The following ECPAS variants were observed in gnomAD, a reference collection of about 807,000 sequenced individuals.
ECPAS encodes Ecm29 proteasome adaptor and scaffold, also known as proteasome adapter and scaffold protein ECM29.
Under a neutral mutation model 255.1 loss-of-function variants are expected in ECPAS, and 70 were observed. The ratio of observed to expected loss-of-function variants is 0.27; its 90% CI spans 0.23 to 0.33. The LOEUF (loss-of-function observed/expected upper bound fraction) is 0.33, where lower values mean the gene tolerates loss of function less well. Among genes scored for constraint, ECPAS ranks in the 10% least tolerant of loss-of-function variants. The pLI, the probability that ECPAS is intolerant of heterozygous loss-of-function variation, is 1.00. For missense variants in ECPAS, 1,817 were observed against 2,206.4 expected (o/e 0.82, Z 3.54); for synonymous variants, 784 against 775.0 (o/e 1.01, Z -0.19).
chr9:111,416,161 C>A, intron 18 of ECPAS, 111 bp downstream of exon 18: 3 of 674,674 alleles, frequency 4.4e-6, no homozygotes, highest in South Asian at 2.1e-5. Flanking sequence ...ACAATGACAC[C>A]ACAATATGGG....
At position 111,371,337 on chromosome 9, in the gene ECPAS, C is replaced by T. The variant is rs116543679; in HGVS notation, c.4737+284G>A. Among the ~76,000 whole-genome samples, 537 of 152,230 alleles carry T rather than the reference C, an allele frequency of 3.5e-3. 3 individuals carry two copies. Among genetic ancestry groups the T allele is most frequent in the African/African-American group, 0.012 (515 of 41,528 alleles). The stretch of plus-strand genomic sequence containing the variant: ...GATCTGTTCATGAGGTCAACAGGTA[C>T]AAAATGCTGACAAGTTGGTTTAAGA... On this transcript the variant is annotated intron_variant, in intron 43 of 49. Transcript: ENST00000684092.
chr9:111,462,146 C>G (rs942586306), intron 2 of ECPAS, among the ~76,000 whole-genome samples: 13 of 152,096 alleles, frequency 8.5e-5, no homozygotes, highest in Admixed American at 2.6e-4. Flanking sequence ...AATAAAGTTT[C>G]TAGAGAAATA....
At chr9:111,381,165 T>C (rs2098140106) in intron 35 of ECPAS, among the ~76,000 whole-genome samples, 1 of 152,244 alleles carries the variant, frequency 6.6e-6, no homozygotes, top group South Asian at 2.1e-4. Flanking sequence ...TAATCATTTC[T>C]AGCTTTCTAT....
intron 24 of ECPAS, among the ~76,000 whole-genome samples, chr9:111,399,017 C>A (rs1217191170): frequency 6.6e-6 from 1 of 151,504 alleles, no homozygotes; most frequent in Non-Finnish European, 1.5e-5. Flanking sequence ...TTTAATTGTA[C>A]ATTTTAAAAT....
chr9:111,442,242 T>A, intron 5 of ECPAS, 64 bp downstream of exon 5: 1 of 1,038,378 alleles, frequency 9.6e-7, no homozygotes, highest in Non-Finnish European at 1.4e-6. Context: ...ATATGTGAAT[T>A]AATATTTGAA....
intron 3 of ECPAS, among the ~76,000 whole-genome samples, chr9:111,445,534 G>A (rs959577354): frequency 6.6e-6 from 1 of 152,062 alleles, no homozygotes; most frequent in Non-Finnish European, 1.5e-5. Flanking sequence ...TCCAAGCAGA[G>A]TATCAGTTAT....
chr9:111,395,118 A>T (rs1045776584), intron 25 of ECPAS, among the ~76,000 whole-genome samples: 11 of 152,128 alleles, frequency 7.2e-5, no homozygotes, highest in Admixed American at 2.6e-4. Context: ...GTCCCTTCAT[A>T]ACTCCTCATT....
At chr9:111,384,485 G>A (rs975711643) in intron 34 of ECPAS, 37 bp downstream of exon 34, 1 of 1,581,220 alleles carries the variant, frequency 6.3e-7, no homozygotes, top group Non-Finnish European at 8.7e-7. Context: ...CCAGAACCCT[G>A]CTCCACTCCA....
Position 111,442,684 on chromosome 9 carries a change from A to G in ECPAS, c.271-260T>C, listed in dbSNP as rs189101625. On this transcript the variant is annotated intron_variant, in intron 4 of 49. Coordinates refer to ENST00000684092, the MANE Select transcript of ECPAS (RefSeq NM_001364929.1). The stretch of plus-strand genomic sequence containing the variant: ...ACTAATCTAAAGCATTCATATATGC[A>G]ATTTCTTATCATGAAGAAGAAAGAA... Among the ~76,000 whole-genome samples the G allele has an allele frequency of 1.4e-3, 216 of 152,326 alleles. 3 individuals are homozygous for G. Among genetic ancestry groups the G allele is most frequent in the African/African-American group, 5.0e-3 (207 of 41,566 alleles).
At chr9:111,396,379 T>C (rs1052306109) in intron 25 of ECPAS, among the ~76,000 whole-genome samples, 5 of 152,182 alleles carry the variant, frequency 3.3e-5, no homozygotes, top group Admixed American at 6.5e-5. Flanking sequence ...GGCTTCATTA[T>C]GTAATAAAGG....
intron 25 of ECPAS, among the ~76,000 whole-genome samples, chr9:111,396,606 A>G (rs900167542): frequency 2.6e-5 from 4 of 152,204 alleles, no homozygotes; most frequent in Admixed American, 6.5e-5. Flanking sequence ...GATAGAGTGC[A>G]GTGGCATAAT....
At chr9:111,390,180 T>A in intron 29 of ECPAS, 79 bp from the exon 30 acceptor site, 1 of 748,200 alleles carries the variant, frequency 1.3e-6, no homozygotes, top group Non-Finnish European at 2.1e-6. Context: ...TCAATATTAC[T>A]AGGACATACT....
intron 17 of ECPAS, among the ~76,000 whole-genome samples, chr9:111,417,555 G>A (rs2098205860): frequency 6.6e-6 from 1 of 152,070 alleles, no homozygotes; most frequent in Admixed American, 6.5e-5. Context: ...AGACCAGCCT[G>A]GCCAACATGG....
At chr9:111,401,189 T>G (rs577027810) in intron 24 of ECPAS, among the ~76,000 whole-genome samples, 183 of 152,304 alleles carry the variant, frequency 1.2e-3, no homozygotes, top group African/African-American at 4.1e-3. Context: ...CCTTCAAATA[T>G]CAGGGGAACC....
At chr9:111,400,620 A>G (rs1437868901) in intron 24 of ECPAS, among the ~76,000 whole-genome samples, 1 of 152,198 alleles carries the variant, frequency 6.6e-6, no homozygotes, top group Non-Finnish European at 1.5e-5. Context: ...TTAGAGCTGA[A>G]AAATATAATG....
At chr9:111,384,670 G>T in intron 33 of ECPAS, 101 bp from the exon 34 acceptor site, 1 of 1,029,642 alleles carries the variant, frequency 9.7e-7, no homozygotes, top group East Asian at 2.5e-5. Context: ...CAGAGATTTG[G>T]TGGAAAATCT....
intron 21 of ECPAS, 108 bp downstream of exon 21, chr9:111,411,906 G>T: frequency 9.9e-7 from 1 of 1,014,318 alleles, no homozygotes. Context: ...TAAAAGCAAG[G>T]AATTTGTAAG....
intron 3 of ECPAS, among the ~76,000 whole-genome samples, chr9:111,448,735 T>G (rs1448790520): frequency 6.6e-6 from 1 of 152,204 alleles, no homozygotes; most frequent in Non-Finnish European, 1.5e-5. Context: ...GACTGTAACA[T>G]TTGCACACTA....
intron 24 of ECPAS, among the ~76,000 whole-genome samples, chr9:111,399,721 A>G (rs1250789097): frequency 6.6e-6 from 1 of 152,196 alleles, no homozygotes; most frequent in Non-Finnish European, 1.5e-5. Flanking sequence ...ACAATAAAAC[A>G]AAGGACCAGG....
Sources: allele counts gnomAD v4.1 joint callset (sites outside exome capture counted in the v4.1 genomes callset), GRCh38; gene constraint gnomAD v4.1.1; transcripts MANE v1.5; gene names NCBI Gene and HGNC (gene_info 2026-07-23, HGNC 2026-07-21).